Variants in LTV1 observed in about 807,000 individuals in gnomAD.
LTV1 encodes the protein protein LTV1 homolog.
In LTV1, 39 loss-of-function variants were observed where a neutral mutation model predicts 59.9. The observed-to-expected ratio is 0.65, with a 90% confidence interval of 0.50 to 0.85. LTV1 has a LOEUF of 0.85. Among genes scored for constraint, LTV1 ranks in the 40% least tolerant of loss-of-function variants. The probability of loss-of-function intolerance (pLI) is 0.00; values close to 1 mark genes in which losing one functional copy is unlikely to be tolerated. For synonymous variants in LTV1, 171 were observed against 189.5 expected (o/e 0.90, Z 0.80); for missense variants, 493 against 549.1 (o/e 0.90, Z 1.02).
At chr6:143,846,997 T>TG (rs1242515919) in intron 3 of LTV1, among the ~76,000 whole-genome samples, 1 of 152,202 alleles carries the variant, frequency 6.6e-6, no homozygotes, top group African/African-American at 2.4e-5. Flanking sequence ...TTCCTTTCCT[T>TG]GGGGAAGATG....
rs77249079 is a variant in LTV1 at position 143,851,210 on chromosome 6, A to G, written c.397+992A>G. On this transcript the variant is annotated intron_variant, in intron 4 of 10. Coordinates refer to ENST00000367576, the MANE Select transcript of LTV1 (RefSeq NM_032860.5). ...AGCAGAGGGTGTTGGAGGCCATGTC[A>G]GATGATAAATTTGGAGTTGAAAGTT... 4.4e-3 allele frequency among the ~76,000 whole-genome samples: 668 copies of G among 152,328 alleles called. 2 individuals are homozygous for G. Among genetic ancestry groups the G allele is most frequent in the Non-Finnish European group, 7.5e-3 (508 of 68,030 alleles).
rs932818172 is a variant in LTV1 at position 143,857,408 on chromosome 6, A to G, written c.503A>G (p.Asn168Ser). 2.6e-5 allele frequency: 42 copies of G among 1,614,138 alleles called. No individual in the cohort carries two copies. The highest frequency in any genetic ancestry group is 3.3e-5 in the Non-Finnish European group (39 of 1,179,992). ...LLEDDFILQANKATGEEEGMD... is the reference protein window; with the variant it reads ...LLEDDFILQASKATGEEEGMD... ...GAGGATGACTTTATTCTTCAGGCCA[A>G]TAAGGCAACAGGAGAGGAAGAGGGA... The change falls in exon 5 of 11, where the codon AAT (asparagine) becomes AGT (serine). Residue 168 changes from asparagine (N) to serine (S), a missense_variant. Coordinates refer to ENST00000367576, the MANE Select transcript of LTV1 (RefSeq NM_032860.5). The surrounding 1 kb of genome is among the most constrained non-coding windows in gnomAD (Gnocchi z 5.2).
intron 4 of LTV1, among the ~76,000 whole-genome samples, chr6:143,856,563 T>A (rs550674614): frequency 2.6e-5 from 4 of 152,220 alleles, no homozygotes; most frequent in African/African-American, 9.6e-5. Flanking sequence ...TTTCCTCATC[T>A]TCTTGGATTT....
rs779816703 is a variant in LTV1 at position 143,843,453 on chromosome 6, G to A, written c.-25G>A. 93 of 1,612,982 alleles carry A rather than the reference G, an allele frequency of 5.8e-5. No individual in the cohort carries two copies. The highest frequency in any genetic ancestry group is 7.5e-5 in the Non-Finnish European group (88 of 1,179,968). On this transcript the variant is annotated 5_prime_UTR_variant, in exon 1 of 11. Transcript: ENST00000367576. ...GAGGGTGTCATCGCCGCCCCTGTTGGGGGTGAGCGCCGCGCGGCTGCAGCA... is the reference window on the plus strand; with the variant it reads ...GAGGGTGTCATCGCCGCCCCTGTTGAGGGTGAGCGCCGCGCGGCTGCAGCA...
At chr6:143,843,768 G>A (rs989539580) in intron 1 of LTV1, among the ~76,000 whole-genome samples, 1 of 152,196 alleles carries the variant, frequency 6.6e-6, no homozygotes, top group African/African-American at 2.4e-5. Context: ...AAAAGCTGGT[G>A]ACTGCCGACA....
chr6:143,861,526 G>A (rs111678217), intron 7 of LTV1, among the ~76,000 whole-genome samples: 25 of 152,162 alleles, frequency 1.6e-4, no homozygotes, highest in African/African-American at 4.3e-4. Context: ...CCAAGCATAC[G>A]CTTTTTTCAT....
At chr6:143,861,065 T>A (rs1380696133) in intron 7 of LTV1, among the ~76,000 whole-genome samples, 1 of 151,814 alleles carries the variant, frequency 6.6e-6, no homozygotes, top group Non-Finnish European at 1.5e-5. Flanking sequence ...CCCAGCTAAT[T>A]TTTGTATTTT....
chr6:143,852,416 GTTGT>G (rs1469767640), intron 4 of LTV1, among the ~76,000 whole-genome samples: 3 of 152,106 alleles, frequency 2.0e-5, no homozygotes, highest in African/African-American at 4.8e-5. Context: ...TTTCAATGGG[GTTGT>G]TTGTTTTTTT....
At chr6:143,847,527 A>G (rs1040608951) in intron 3 of LTV1, among the ~76,000 whole-genome samples, 7 of 151,948 alleles carry the variant, frequency 4.6e-5, no homozygotes, top group African/African-American at 1.7e-4. Context: ...GTGCCCGGCT[A>G]ATTTTGTATT....
Position 143,862,273 on chromosome 6 carries a change from T to C in LTV1, c.1063+30T>C, listed in dbSNP as rs1413168911. ...GTATATTCACTTTATGATAGTAATT[T>C]TAAAGTATTAAAGTATATCAACTTT... On this transcript the variant is annotated intron_variant, in intron 8 of 10. Transcript: ENST00000367576. The surrounding 1 kb of genome is among the most constrained non-coding windows in gnomAD (Gnocchi z 4.2). 5 of 1,581,876 alleles carry C rather than the reference T, an allele frequency of 3.2e-6. No individual in the cohort carries two copies. In the East Asian group the frequency reaches 1.1e-4, roughly 36 times the overall value.
At chr6:143,844,400 A>G (rs1776853592) in intron 1 of LTV1, 86 bp from the exon 2 acceptor site, 3 of 1,392,008 alleles carry the variant, frequency 2.2e-6, no homozygotes, top group East Asian at 2.3e-5. Context: ...TAACATGACT[A>G]CTAAAGATGC....
Position 143,863,119 on chromosome 6 carries a change from A to G in LTV1, c.1150A>G (p.Ile384Val). ...AATTCGAATATCTTCTAAAACAGGA[A>G]TACCTCTCAATGTCTTACCAAAGAA... The part of the protein sequence containing the change: ...KQIRISSKTG[I>V]PLNVLPKKGL... The change falls in exon 10 of 11, where the codon ATA (isoleucine) becomes GTA (valine). Residue 384 changes from isoleucine to valine, a missense_variant. Transcript: ENST00000367576. The surrounding 1 kb of genome is among the most constrained non-coding windows in gnomAD (Gnocchi z 4.5). 6.2e-7 allele frequency: 1 copy of G among 1,613,974 alleles called. No individual in the cohort carries two copies. The highest frequency in any genetic ancestry group is 8.5e-7 in the Non-Finnish European group (1 of 1,179,908).
In LTV1 at chr6:143,860,654, A is replaced by G. The variant is rs1447780848; in HGVS notation, c.923+101A>G. On this transcript the variant is annotated intron_variant, in intron 7 of 10. Transcript: ENST00000367576. ...TATAACTGAATTGAGGAAAAAATTA[A>G]CCTAGTCAAAATACATATTGAGAAA... 3.0e-6 allele frequency: 3 copies of G among 1,007,702 alleles called. 1 individual carries two copies. The African/African-American group carries it at 4.9e-5, about 17-fold the overall frequency. 62.4% of individuals were successfully genotyped at this position (1,007,702 alleles called of 1,614,324 possible).
chr6:143,858,285 A>G (rs1434993118), intron 6 of LTV1: 1 of 332,926 alleles, frequency 3.0e-6, no homozygotes, highest in African/African-American at 2.1e-5. Context: ...TCACACGCTT[A>G]CACCAGGAGG....
At position 143,858,012 on chromosome 6, in the gene LTV1, G is replaced by T. The variant is rs201253968; in HGVS notation, c.795+5G>T. The T allele has an allele frequency of 1.1e-3, 1,807 of 1,613,636 alleles. 3 individuals are homozygous for T. Among genetic ancestry groups the T allele is most frequent in the Non-Finnish European group, 1.5e-3 (1,749 of 1,179,938 alleles). The stretch of plus-strand genomic sequence containing the variant: ...CATGATGAGAGGTTTGAGAAGGTAA[G>T]GTCCCCACATAAGGGATGCTTTAGT... On this transcript the variant is annotated splice_donor_5th_base_variant and intron_variant, in intron 6 of 10. Coordinates refer to ENST00000367576, the MANE Select transcript of LTV1 (RefSeq NM_032860.5).
At chr6:143,845,001 C>T (rs898743533) in intron 2 of LTV1, among the ~76,000 whole-genome samples, 1 of 151,962 alleles carries the variant, frequency 6.6e-6, no homozygotes, top group Admixed American at 6.6e-5. Flanking sequence ...AAATATTTAC[C>T]AAAGCACCAG....
intron 3 of LTV1, among the ~76,000 whole-genome samples, chr6:143,849,835 C>T (rs1776951694): frequency 6.6e-6 from 1 of 152,144 alleles, no homozygotes; most frequent in Admixed American, 6.5e-5. Flanking sequence ...TCATTCCTAA[C>T]TTCCGAAGGT....
intron 7 of LTV1, 127 bp from the exon 8 acceptor site, chr6:143,861,977 T>G: frequency 6.0e-6 from 5 of 835,778 alleles, no homozygotes; most frequent in East Asian, 2.7e-5. Flanking sequence ...AACGGATGGG[T>G]CACTGGAATA....
Position 143,863,123 on chromosome 6 carries a change from C to T in LTV1, c.1154C>T (p.Pro385Leu). 2 of 1,613,816 alleles carry T rather than the reference C, an allele frequency of 1.2e-6. No homozygotes were observed. Among genetic ancestry groups the T allele is most frequent in the Admixed American group, 1.7e-5 (1 of 60,010 alleles). ...QIRISSKTGI[P>L]LNVLPKKGLT... ...CGAATATCTTCTAAAACAGGAATAC[C>T]TCTCAATGTCTTACCAAAGAAAGGA... The change falls in exon 10 of 11, where the codon CCT (proline) becomes CTT (leucine). Residue 385 changes from proline (P) to leucine (L), a missense_variant. By Grantham distance (98) the Pro-to-Leu change is moderately conservative. Transcript: ENST00000367576. The surrounding 1 kb of genome is among the most constrained non-coding windows in gnomAD (Gnocchi z 4.5).
Sources: gnomAD v4.1 joint callset for allele counts (sites outside exome capture counted in the v4.1 genomes callset) on GRCh38, gnomAD v4.1.1 for gene constraint, Gnocchi (gnomAD v3.1) non-coding constraint, MANE v1.5 for transcripts, NCBI Gene and HGNC (gene_info 2026-07-23, HGNC 2026-07-21) for gene names.